The following LTBP2 variants were observed in gnomAD, a reference collection of about 807,000 sequenced individuals.
LTBP2 encodes latent transforming growth factor beta binding protein 2.
In LTBP2, 103 loss-of-function variants were observed where a neutral mutation model predicts 210.6. The observed-to-expected ratio is 0.49, with a 90% CI of 0.42 to 0.58. The LOEUF is 0.58. Ranked by LOEUF, LTBP2 falls within the 20% of genes least tolerant of loss-of-function variation. The probability of loss-of-function intolerance (pLI) is 0.00; values close to 1 mark genes in which losing one functional copy is unlikely to be tolerated. For missense variants in LTBP2, 2,313 were observed against 2,494.5 expected (o/e 0.93, Z 1.55); for synonymous variants, 1,007 against 1,015.0 (o/e 0.99, Z 0.15).
At chr14:74,501,658 C>T in intron 34 of LTBP2, 68 bp from the exon 35 acceptor site, 2 of 1,600,024 alleles carry the variant, frequency 1.2e-6, no homozygotes, top group Non-Finnish European at 1.7e-6. Context: ...AATGCTGGGA[C>T]CCTCGCCCTT....
intron 3 of LTBP2, among the ~76,000 whole-genome samples, chr14:74,566,228 G>GT (rs2139766847): frequency 6.6e-6 from 1 of 152,304 alleles, no homozygotes; most frequent in South Asian, 2.1e-4. Context: ...TTTGAGAAAT[G>GT]TAAGAGGAAA....
intron 3 of LTBP2, among the ~76,000 whole-genome samples, chr14:74,559,513 T>C (rs528128733): frequency 1.9e-3 from 290 of 152,016 alleles, no homozygotes; most frequent in African/African-American, 6.6e-3. Context: ...GCCTCAGAGG[T>C]GAGCAGCGAG....
intron 6 of LTBP2, 46 bp from the exon 7 acceptor site, chr14:74,551,396 C>T: frequency 6.7e-7 from 1 of 1,499,076 alleles, no homozygotes; most frequent in Non-Finnish European, 8.9e-7. Flanking sequence ...AGGGCCCCAC[C>T]CTCATTTCCA....
intron 2 of LTBP2, among the ~76,000 whole-genome samples, chr14:74,587,898 G>A (rs983264432): frequency 6.6e-6 from 1 of 152,306 alleles, no homozygotes; most frequent in South Asian, 2.1e-4. Context: ...ATAGACGAGC[G>A]CTGAAGACCC....
At chr14:74,544,560 C>T (rs1229421596) in intron 8 of LTBP2, among the ~76,000 whole-genome samples, 2 of 152,150 alleles carry the variant, frequency 1.3e-5, no homozygotes, top group African/African-American at 4.8e-5. Flanking sequence ...AGGCTCTCTG[C>T]CCCTCATGCC....
At position 74,540,224 on chromosome 14, in the gene LTBP2, G is replaced by C. The variant is rs544059023; in HGVS notation, c.1790-4224C>G. Among the ~76,000 whole-genome samples, 7 of 152,262 alleles carry C rather than the reference G, an allele frequency of 4.6e-5. No homozygotes were observed. The South Asian group carries it at 1.2e-3, about 27-fold the overall frequency. On this transcript the variant is annotated intron_variant, in intron 8 of 35. Coordinates refer to ENST00000261978, the MANE Select transcript of LTBP2 (RefSeq NM_000428.3). ...ATGGTGGCTCATGCCTGTAATCCCAGCACTTTTGGAGGCTGAGGCGAGTGA... is the reference window on the plus strand; with the variant it reads ...ATGGTGGCTCATGCCTGTAATCCCACCACTTTTGGAGGCTGAGGCGAGTGA...
intron 1 of LTBP2, among the ~76,000 whole-genome samples, chr14:74,606,410 G>T (rs775613871): frequency 3.6e-4 from 55 of 152,196 alleles, no homozygotes; most frequent in Admixed American, 5.9e-4. Context: ...AAGGTTTGTT[G>T]CTCCCCAGTT....
At chr14:74,579,637 G>C (rs2088110279) in intron 3 of LTBP2, among the ~76,000 whole-genome samples, 1 of 152,196 alleles carries the variant, frequency 6.6e-6, no homozygotes, top group African/African-American at 2.4e-5. Flanking sequence ...AGCAGTCCTG[G>C]CACTCACCAC....
rs753628301 is a variant in LTBP2, at chr14:74,521,897, C to T, written c.2788+14G>A. The T allele has an allele frequency of 2.4e-5, 39 of 1,613,688 alleles. No individual in the cohort carries two copies. Among genetic ancestry groups the T allele is most frequent in the East Asian group, 1.6e-4 (7 of 44,892 alleles). ...TGTGGGGCCTGGCCAAGGGCAAGGGCGGGCTTGGCTTACCTTGACACTCCT... is the reference window on the plus strand; with the variant it reads ...TGTGGGGCCTGGCCAAGGGCAAGGGTGGGCTTGGCTTACCTTGACACTCCT... On this transcript the variant is annotated intron_variant, in intron 17 of 35. Transcript: ENST00000261978.
intron 16 of LTBP2, 47 bp from the exon 17 acceptor site, chr14:74,522,086 C>T (rs377684399): frequency 1.2e-4 from 184 of 1,585,386 alleles, no homozygotes; most frequent in Non-Finnish European, 1.5e-4. Context: ...CCAGCGGTGC[C>T]GTTCTTTGGG....
intron 3 of LTBP2, among the ~76,000 whole-genome samples, chr14:74,571,146 A>G (rs529292003): frequency 1.3e-5 from 2 of 152,332 alleles, no homozygotes; most frequent in East Asian, 3.9e-4. Context: ...AGCCTGGCCA[A>G]CATAGTGAAA....
At chr14:74,545,181 C>T (rs2087562072) in intron 8 of LTBP2, among the ~76,000 whole-genome samples, 1 of 152,200 alleles carries the variant, frequency 6.6e-6, no homozygotes, top group Admixed American at 6.5e-5. Context: ...TCTTGCTCAG[C>T]TGAGAGTCAG....
intron 2 of LTBP2, among the ~76,000 whole-genome samples, chr14:74,599,175 C>G (rs1259831332): frequency 1.3e-5 from 2 of 152,328 alleles, no homozygotes; most frequent in Admixed American, 1.3e-4. Context: ...AGTCACTTCC[C>G]CCAGGACACA....
At position 74,611,618 on chromosome 14, in the gene LTBP2, C is replaced by T; in HGVS notation, c.327G>A (p.Ala109=). The change falls in exon 1 of 36, where the codon GCG becomes GCA. Residue 109 remains alanine (A), a synonymous_variant. Transcript: ENST00000261978. ...GTGGCTGGACACGCCGCGACTGCTG[C>T]GCGCGGGACGGCCTCCTGGCCTCCG... ...TEAEARRPSR[A]QQSRRVQPPA... is the part of the protein sequence containing the mutation. 6.4e-7 allele frequency: 1 copy of T among 1,560,214 alleles called. No homozygotes were observed. Among genetic ancestry groups the T allele is most frequent in the East Asian group, 2.3e-5 (1 of 42,568 alleles).
chr14:74,577,504 CTTTTT>C (rs397948520), intron 3 of LTBP2, among the ~76,000 whole-genome samples: 5 of 135,958 alleles, frequency 3.7e-5, no homozygotes, highest in African/African-American at 1.4e-4. Context: ...ACCATTATCT[CTTTTT>C]TTTTTTTTTT....
intron 3 of LTBP2, 146 bp from the exon 4 acceptor site, chr14:74,555,839 A>G: frequency 2.0e-6 from 1 of 506,662 alleles, no homozygotes; most frequent in Non-Finnish European, 3.2e-6. Flanking sequence ...ACTCCCAGAC[A>G]TGAAGGTGCC....
chr14:74,523,628 C>T (rs965397165), intron 15 of LTBP2, among the ~76,000 whole-genome samples: 2 of 152,108 alleles, frequency 1.3e-5, no homozygotes, highest in Non-Finnish European at 2.9e-5. Context: ...CTCACTGGGA[C>T]TCGGGGTTGA....
chr14:74,562,158 C>T (rs1194809547), intron 3 of LTBP2, among the ~76,000 whole-genome samples: 2 of 151,162 alleles, frequency 1.3e-5, no homozygotes, highest in Admixed American at 6.6e-5. Flanking sequence ...TGCAGTGAAC[C>T]GAGATTGCAC....
chr14:74,569,149 A>T (rs2087940282), intron 3 of LTBP2, among the ~76,000 whole-genome samples: 1 of 126,914 alleles, frequency 7.9e-6, no homozygotes, highest in East Asian at 2.7e-4. Context: ...GAAGATAGAG[A>T]TGGAGGGAAG....
Sources: gnomAD v4.1 joint callset for allele counts (sites outside exome capture counted in the v4.1 genomes callset) on GRCh38, gnomAD v4.1.1 for gene constraint, MANE v1.5 for transcripts, NCBI Gene and HGNC (gene_info 2026-07-23, HGNC 2026-07-21) for gene names.